Variants in ZNF831 observed in about 807,000 individuals in gnomAD.
ZNF831 encodes chromosome 20 open reading frame 174.
ZNF831 carries 59 observed loss-of-function variants against 95.8 expected under a neutral mutation model. The ratio of observed to expected loss-of-function variants is 0.62; its 90% CI spans 0.50 to 0.77. ZNF831 has a LOEUF of 0.77. Among genes scored for constraint, ZNF831 ranks in the 30% least tolerant of loss-of-function variants. ZNF831 has a pLI of 0.00. For synonymous variants in ZNF831, 961 were observed against 925.5 expected (o/e 1.04, Z -0.70); for missense variants, 2,205 against 2,164.0 (o/e 1.02, Z -0.38).
intron 2 of ZNF831, among the ~76,000 whole-genome samples, chr20:59,151,161 G>A (rs553292879): frequency 4.6e-5 from 7 of 152,260 alleles, no homozygotes; most frequent in East Asian, 3.9e-4. Context: ...ATGAAGATGC[G>A]AGGGGGCTAG....
At chr20:59,242,806 G>A (rs1474082767) in intron 4 of ZNF831, among the ~76,000 whole-genome samples, 1 of 152,096 alleles carries the variant, frequency 6.6e-6, no homozygotes, top group Non-Finnish European at 1.5e-5. Flanking sequence ...CCAGGGCTGA[G>A]GCTTCATCAC....
chr20:59,229,351 T>C (rs1388407942), intron 4 of ZNF831, among the ~76,000 whole-genome samples: 1 of 152,122 alleles, frequency 6.6e-6, no homozygotes, highest in African/African-American at 2.4e-5. Context: ...GAGACCTAGA[T>C]TGGGAACTGG....
chr20:59,185,652 C>T (rs746200692), intron 1 of ZNF831, among the ~76,000 whole-genome samples: 5 of 152,154 alleles, frequency 3.3e-5, no homozygotes, highest in Non-Finnish European at 7.3e-5. Flanking sequence ...TGTGCCTCGT[C>T]CTCCTGCCTG....
At position 59,193,969 on chromosome 20, in the gene ZNF831, C is replaced by G. The variant is rs1356996282; in HGVS notation, c.2950C>G (p.Leu984Val). Residue 984 changes from leucine to valine, a missense_variant, in exon 2 of 6, where the codon CTG becomes GTG. Coordinates refer to ENST00000371030, the MANE Select transcript of ZNF831 (RefSeq NM_178457.3). ...ACGGGCATCATTTGTTGGGTCAGGA[C>G]TGGGGACCCCTCTTTCTCCCAGCCC... ...EERASFVGSG[L>V]GTPLSPSPAS... The G allele has an allele frequency of 6.5e-7, 1 of 1,546,612 alleles. No individual in the cohort carries two copies.
chr20:59,229,104 A>C (rs1196460978), intron 4 of ZNF831, among the ~76,000 whole-genome samples: 1 of 152,204 alleles, frequency 6.6e-6, no homozygotes, highest in African/African-American at 2.4e-5. Context: ...AATGACCTCC[A>C]GTTCTATCCA....
At chr20:59,239,737 G>A (rs570050368) in intron 4 of ZNF831, among the ~76,000 whole-genome samples, 9 of 152,050 alleles carry the variant, frequency 5.9e-5, no homozygotes, top group Non-Finnish European at 1.3e-4. Context: ...TAGAGACAGC[G>A]TTTCACCATG....
chr20:59,161,534 C>T (rs1980866893), upstream of ZNF831, among the ~76,000 whole-genome samples: 1 of 152,212 alleles, frequency 6.6e-6, no homozygotes, highest in African/African-American at 2.4e-5. Flanking sequence ...CTGCCTTGGC[C>T]TCCCAAAGTG....
chr20:59,134,686 C>T (rs1979449535), intron 1 of ZNF831, among the ~76,000 whole-genome samples: 1 of 152,322 alleles, frequency 6.6e-6, no homozygotes, highest in East Asian at 1.9e-4. Context: ...CATAGACTGG[C>T]TGCGTGGTCC....
In ZNF831 at chr20:59,259,000, CAATT is replaced by C. The variant is rs1988301700; in HGVS notation, c.*4258_*4261del. 1 of 152,310 alleles carries C rather than the reference CAATT, an allele frequency of 6.6e-6. No individual in the cohort carries two copies. Among genetic ancestry groups the C allele is most frequent in the African/African-American group, 2.4e-5 (1 of 41,572 alleles). The allele number at this position is 152,310 out of a possible 1,614,324, so 9.4% of individuals were successfully genotyped here. A position where few individuals can be genotyped will look rare whatever the true frequency, so the allele number is the denominator to read the frequency against. ...GGTCAACTGTTCAGGATTTACTACTCAATTGGTTGTTCACAATCAGGGAAATGAT... is the reference window on the plus strand; with the variant it reads ...GGTCAACTGTTCAGGATTTACTACTCGGTTGTTCACAATCAGGGAAATGAT... On this transcript the variant is annotated 3_prime_UTR_variant, in exon 6 of 6. Coordinates refer to ENST00000371030, the MANE Select transcript of ZNF831 (RefSeq NM_178457.3).
At chr20:59,162,053 T>C (rs1980905605), upstream of ZNF831, among the ~76,000 whole-genome samples, 2 of 152,240 alleles carry the variant, frequency 1.3e-5, no homozygotes, top group African/African-American at 4.8e-5. Flanking sequence ...TGTTGGCTGC[T>C]TGCATGTCTT....
intron 3 of ZNF831, among the ~76,000 whole-genome samples, chr20:59,198,299 T>C (rs896472405): frequency 1.3e-5 from 2 of 152,210 alleles, no homozygotes; most frequent in African/African-American, 4.8e-5. Flanking sequence ...CATAATTAGA[T>C]GTAAAGATTT....
intron 2 of ZNF831, among the ~76,000 whole-genome samples, chr20:59,152,972 A>G (rs1445878117): frequency 6.6e-6 from 1 of 152,144 alleles, no homozygotes; most frequent in Non-Finnish European, 1.5e-5. Context: ...TTCTGTGTTT[A>G]AAAAAGATCC....
chr20:59,124,786 T>C (rs1485325910), intron 1 of ZNF831, among the ~76,000 whole-genome samples: 1 of 152,212 alleles, frequency 6.6e-6, no homozygotes, highest in Non-Finnish European at 1.5e-5. Flanking sequence ...ATGGCTCTTA[T>C]CGCAGTGGGC....
intron 4 of ZNF831, among the ~76,000 whole-genome samples, chr20:59,241,839 TTCCTC>T (rs1987355686): frequency 6.6e-6 from 1 of 152,222 alleles, no homozygotes; most frequent in Non-Finnish European, 1.5e-5. Flanking sequence ...ATGCTTCACT[TTCCTC>T]TACGCCACAA....
intron 4 of ZNF831, among the ~76,000 whole-genome samples, chr20:59,238,392 C>T (rs1987121817): frequency 6.6e-6 from 1 of 152,168 alleles, no homozygotes; most frequent in Admixed American, 6.5e-5. Flanking sequence ...CTCGATTTCT[C>T]TCTCTCTTCC....
intron 4 of ZNF831, among the ~76,000 whole-genome samples, chr20:59,221,279 C>T (rs932491478): frequency 2.6e-5 from 4 of 152,142 alleles, no homozygotes; most frequent in Non-Finnish European, 5.9e-5. Context: ...CATTCTGGGC[C>T]CTTGAGTTTG....
intron 1 of ZNF831, among the ~76,000 whole-genome samples, chr20:59,172,205 C>G (rs1462992175): frequency 7.9e-5 from 12 of 152,190 alleles, no homozygotes; most frequent in Non-Finnish European, 1.8e-4. Flanking sequence ...ACTGGTCTTT[C>G]CCTCCGAGGG....
chr20:59,173,136 G>T (rs923737107), intron 1 of ZNF831, among the ~76,000 whole-genome samples: 2 of 152,128 alleles, frequency 1.3e-5, no homozygotes, highest in African/African-American at 4.8e-5. Context: ...CCACTTGTAC[G>T]GGAGGCTCAG....
At chr20:59,173,246 T>A (rs1981881544) in intron 1 of ZNF831, among the ~76,000 whole-genome samples, 1 of 152,194 alleles carries the variant, frequency 6.6e-6, no homozygotes, top group African/African-American at 2.4e-5. Context: ...TGCCCAAATT[T>A]TCACATGAGA....
Sources: gnomAD v4.1 joint callset for allele counts (sites outside exome capture counted in the v4.1 genomes callset) on GRCh38, gnomAD v4.1.1 for gene constraint, MANE v1.5 for transcripts, NCBI Gene and HGNC (gene_info 2026-07-23, HGNC 2026-07-21) for gene names.